Variants in PCDHGA3 observed in about 807,000 individuals in gnomAD.
PCDHGA3 encodes protocadherin gamma subfamily A, 3.
In PCDHGA3, 40 loss-of-function variants were observed where a neutral mutation model predicts 58.5. That is an observed-to-expected ratio of 0.68 (90% CI 0.53 to 0.89). The LOEUF is 0.89. PCDHGA3 is among the 40% of genes least tolerant of loss of function. PCDHGA3 has a pLI of 0.00. For synonymous variants in PCDHGA3, 530 were observed against 525.7 expected, an observed-to-expected ratio of 1.01 and a Z score of -0.11; for missense variants, 1,223 against 1,195.9, an observed-to-expected ratio of 1.02 and a Z score of -0.33.
chr5:141,420,744 C>T (rs1202150921), intron 1 of PCDHGA3, among the ~76,000 whole-genome samples: 8 of 152,194 alleles, frequency 5.3e-5, no homozygotes, highest in Admixed American at 5.2e-4. Context: ...TCAATTGGAA[C>T]CAACTACAAC....
chr5:141,399,274 C>T, intron 1 of PCDHGA3: 1 of 1,613,848 alleles, frequency 6.2e-7, no homozygotes, highest in Non-Finnish European at 8.5e-7. Context: ...TTGTCAATTA[C>T]AAGGCGAAGT....
chr5:141,383,295 A>G, intron 1 of PCDHGA3: 1 of 1,613,982 alleles, frequency 6.2e-7, no homozygotes, highest in Non-Finnish European at 8.5e-7. Context: ...ACGTTCCAAG[A>G]TTCTTGACGG....
Position 141,477,060 on chromosome 5 carries a change from C to G in PCDHGA3, c.2425-17747C>G. On this transcript the variant is annotated intron_variant, in intron 1 of 3. Coordinates refer to ENST00000253812, the MANE Select transcript of PCDHGA3 (RefSeq NM_018916.4). The surrounding 1 kb of genome is among the most constrained non-coding windows in gnomAD (Gnocchi z 4.9). ...AAGGGTCGGCTGGACTTCGAGGACA[C>G]CAAACTCCATGAGATTTACATCCAG... The G allele has an allele frequency of 1.2e-6, 2 of 1,614,256 alleles. No individual in the cohort carries two copies. The highest frequency in any genetic ancestry group is 2.2e-5 in the South Asian group (2 of 91,086).
chr5:141,353,392 A>G (rs1318635652), intron 1 of PCDHGA3, among the ~76,000 whole-genome samples: 1 of 152,222 alleles, frequency 6.6e-6, no homozygotes. Context: ...GTAATTATGT[A>G]ATTAATGTAA....
chr5:141,383,961 C>CT, intron 1 of PCDHGA3: 1 of 1,613,356 alleles, frequency 6.2e-7, no homozygotes, highest in Non-Finnish European at 8.5e-7. Context: ...CTTTAAGTAG[C>CT]TCAATCCCTG....
intron 1 of PCDHGA3, among the ~76,000 whole-genome samples, chr5:141,397,708 T>A (rs1409305799): frequency 6.6e-6 from 1 of 152,250 alleles, no homozygotes; most frequent in East Asian, 1.9e-4. Context: ...ACGTGATATT[T>A]CTAACAATTT....
Position 141,343,946 on chromosome 5 carries a change from A to G in PCDHGA3, c.-88A>G. The G allele has an allele frequency of 2.3e-6, 3 of 1,284,242 alleles. No homozygotes were observed. Among genetic ancestry groups the G allele is most frequent in the African/African-American group, 1.5e-5 (1 of 66,858 alleles). 79.6% of individuals were successfully genotyped at this position (1,284,242 alleles called of 1,614,324 possible). ...GTTTGACCTGTGAATTAGGCCCGTA[A>G]AAGACTTCGTTTCTTGAGAAAATAA... On this transcript the variant is annotated 5_prime_UTR_variant, in exon 1 of 4. Transcript: ENST00000253812.
chr5:141,455,737 A>T (rs1290390106), intron 1 of PCDHGA3, among the ~76,000 whole-genome samples: 1 of 152,162 alleles, frequency 6.6e-6, no homozygotes, highest in Non-Finnish European at 1.5e-5. Context: ...TTTGCATATC[A>T]AAGGTTGCTG....
chr5:141,404,680 G>A (rs2094553624), intron 1 of PCDHGA3: 2 of 1,614,042 alleles, frequency 1.2e-6, no homozygotes, highest in Non-Finnish European at 1.7e-6. Context: ...CTGGTGTGGA[G>A]CTGGCACCCC....
At position 141,410,351 on chromosome 5, in the gene PCDHGA3, C is replaced by T. The variant is rs372351374; in HGVS notation, c.2424+63894C>T. ...TCTGGCCATTGCCTTGCGCCTGCGA[C>T]GCTCTCTCAGCCCTGCTACTTGGGA... On this transcript the variant is annotated intron_variant, in intron 1 of 3. Coordinates refer to ENST00000253812, the MANE Select transcript of PCDHGA3 (RefSeq NM_018916.4). The T allele has an allele frequency of 2.5e-6, 4 of 1,613,948 alleles. No homozygotes were observed. In the African/African-American group the frequency reaches 4.0e-5, roughly 16 times the overall value.
At chr5:141,439,531 G>A (rs1474855779) in intron 1 of PCDHGA3, among the ~76,000 whole-genome samples, 5 of 152,126 alleles carry the variant, frequency 3.3e-5, no homozygotes, top group Admixed American at 3.3e-4. Flanking sequence ...TCTACAGAAC[G>A]CTGTCCTCTC....
intron 1 of PCDHGA3, chr5:141,374,156 G>A: frequency 6.2e-7 from 1 of 1,612,230 alleles, no homozygotes; most frequent in Non-Finnish European, 8.5e-7. Context: ...GACGCTGTGG[G>A]GGGCCGCGGC....
At chr5:141,440,280 A>G (rs1389627767) in intron 1 of PCDHGA3, 1 of 152,220 alleles carries the variant, frequency 6.6e-6, no homozygotes, top group East Asian at 1.9e-4. Context: ...CAGCCTGACC[A>G]ACATAGTGAA....
chr5:141,421,524 G>A (rs375937711), intron 1 of PCDHGA3: 25 of 1,613,940 alleles, frequency 1.5e-5, no homozygotes, highest in Admixed American at 5.0e-5. Context: ...TCTGTGAGAC[G>A]GTGTCCTCCT....
chr5:141,455,148 A>G (rs6897410), intron 1 of PCDHGA3, among the ~76,000 whole-genome samples: 9,268 of 149,002 alleles, frequency 0.062, 567 homozygotes, highest in African/African-American at 0.16. Flanking sequence ...TTAAATAAAT[A>G]TTAGTTTGTT....
At chr5:141,443,475 G>T (rs994058112) in intron 1 of PCDHGA3, among the ~76,000 whole-genome samples, 1 of 152,148 alleles carries the variant, frequency 6.6e-6, no homozygotes, top group African/African-American at 2.4e-5. Flanking sequence ...GACAGAATTA[G>T]ACCCTGTCCC....
intron 1 of PCDHGA3, chr5:141,423,553 T>G: frequency 2.5e-6 from 4 of 1,613,548 alleles, no homozygotes; most frequent in Non-Finnish European, 3.4e-6. Flanking sequence ...CCAGCCCAAC[T>G]ATGGGGACAC....
intron 3 of PCDHGA3, among the ~76,000 whole-genome samples, chr5:141,505,956 T>C (rs1177913983): frequency 6.6e-6 from 1 of 152,102 alleles, no homozygotes; most frequent in Non-Finnish European, 1.5e-5. Flanking sequence ...TGAAAGTGGG[T>C]GTAGAAATCC....
chr5:141,347,975 A>G (rs1758045061), intron 1 of PCDHGA3, among the ~76,000 whole-genome samples: 1 of 152,214 alleles, frequency 6.6e-6, no homozygotes, highest in Non-Finnish European at 1.5e-5. Flanking sequence ...GGACATCAAA[A>G]ACATGTAAAG....
Sources: allele counts gnomAD v4.1 joint callset (sites outside exome capture counted in the v4.1 genomes callset), GRCh38; gene constraint gnomAD v4.1.1; non-coding constraint Gnocchi (gnomAD v3.1); transcripts MANE v1.5; gene names NCBI Gene and HGNC (gene_info 2026-07-23, HGNC 2026-07-21).